Variants in XKR6 observed in about 807,000 individuals in gnomAD.
XKR6 encodes XK-related protein 6.
In XKR6, 22 loss-of-function variants were observed where a neutral mutation model predicts 56.7. That is an observed-to-expected ratio of 0.39 (90% CI 0.28 to 0.55). The LOEUF (loss-of-function observed/expected upper bound fraction) is 0.55. Among genes scored for constraint, XKR6 ranks in the 20% least tolerant of loss-of-function variants. The pLI is 0.66. For missense variants in XKR6, 852 were observed against 889.0 expected (o/e 0.96, Z 0.53); for synonymous variants, 524 against 387.8 (o/e 1.35, Z -4.13).
intron 1 of XKR6, among the ~76,000 whole-genome samples, chr8:11,171,643 G>A (rs545691601): frequency 1.3e-5 from 2 of 152,272 alleles, no homozygotes; most frequent in South Asian, 4.1e-4. Context: ...AGCCCTCTTA[G>A]CCTTCTGCCA....
chr8:10,983,250 GA>G (rs1189283812), intron 1 of XKR6, among the ~76,000 whole-genome samples: 4 of 151,616 alleles, frequency 2.6e-5, no homozygotes. Context: ...CTTTTTTTGG[GA>G]AAAAATAAAA....
intron 1 of XKR6, among the ~76,000 whole-genome samples, chr8:11,181,286 A>T (rs1802965827): frequency 6.6e-6 from 1 of 152,170 alleles, no homozygotes; most frequent in Non-Finnish European, 1.5e-5. Context: ...TCATAATGAA[A>T]TTTTTTCTTA....
intron 1 of XKR6, among the ~76,000 whole-genome samples, chr8:11,121,168 A>G (rs143897486): frequency 0.034 from 5,249 of 152,320 alleles, 177 homozygotes; most frequent in African/African-American, 0.085. Flanking sequence ...AATGGCAACA[A>G]AAGCCAAAAT....
chr8:11,106,961 CAGGA>C (rs1027338555), intron 1 of XKR6, among the ~76,000 whole-genome samples: 2 of 151,728 alleles, frequency 1.3e-5, no homozygotes, highest in Admixed American at 1.3e-4. Context: ...CAAGAAGCTA[CAGGA>C]AGGGAGACAG....
chr8:10,950,803 C>T (rs528320177), intron 1 of XKR6, among the ~76,000 whole-genome samples: 5 of 150,372 alleles, frequency 3.3e-5, no homozygotes, highest in South Asian at 2.1e-4. Context: ...GAGTAAGTGT[C>T]GAACACTTTC....
chr8:11,162,344 G>A (rs1261203086), intron 1 of XKR6, among the ~76,000 whole-genome samples: 1 of 152,084 alleles, frequency 6.6e-6, no homozygotes, highest in Non-Finnish European at 1.5e-5. Context: ...CTACACTCCA[G>A]CCTCCCAAAC....
At chr8:11,032,119 C>G (rs770032826) in intron 1 of XKR6, among the ~76,000 whole-genome samples, 1 of 152,200 alleles carries the variant, frequency 6.6e-6, no homozygotes, top group African/African-American at 2.4e-5. Context: ...GGTGATACTG[C>G]CCCTCTGGGA....
At chr8:11,015,557 G>A (rs1007061771) in intron 1 of XKR6, among the ~76,000 whole-genome samples, 8 of 152,118 alleles carry the variant, frequency 5.3e-5, no homozygotes, top group Non-Finnish European at 1.2e-4. Flanking sequence ...AGAGAAAGCC[G>A]GCCAGGTCTG....
At chr8:10,918,059 C>T (rs576658294) in intron 2 of XKR6, among the ~76,000 whole-genome samples, 2 of 152,220 alleles carry the variant, frequency 1.3e-5, no homozygotes, top group African/African-American at 4.8e-5. Flanking sequence ...TCCTCCAGAG[C>T]CACCCATCCT....
chr8:10,964,753 C>T (rs757268653), intron 1 of XKR6, among the ~76,000 whole-genome samples: 1 of 152,186 alleles, frequency 6.6e-6, no homozygotes, highest in Non-Finnish European at 1.5e-5. Context: ...CTTGATTTCC[C>T]CAGCAGCTGC....
intron 1 of XKR6, among the ~76,000 whole-genome samples, chr8:10,988,726 A>G (rs754515421): frequency 6.6e-6 from 1 of 152,224 alleles, no homozygotes; most frequent in Non-Finnish European, 1.5e-5. Flanking sequence ...AACTTGGGGC[A>G]CCAAAGGAAG....
At chr8:10,947,869 C>A (rs1233310564) in intron 1 of XKR6, among the ~76,000 whole-genome samples, 1 of 152,094 alleles carries the variant, frequency 6.6e-6, no homozygotes, top group Non-Finnish European at 1.5e-5. Context: ...GGTGTAGGGA[C>A]CCAAGAGCCA....
At chr8:10,938,435 T>A (rs1210485010) in intron 1 of XKR6, among the ~76,000 whole-genome samples, 1 of 152,210 alleles carries the variant, frequency 6.6e-6, no homozygotes, top group African/African-American at 2.4e-5. Flanking sequence ...CCCCAGCAGT[T>A]CTTTTCATAC....
intron 1 of XKR6, among the ~76,000 whole-genome samples, chr8:11,007,204 T>C (rs1347271898): frequency 2.0e-5 from 3 of 152,192 alleles, no homozygotes; most frequent in Non-Finnish European, 4.4e-5. Flanking sequence ...GTCATAGAGA[T>C]AGGAATTCAA....
At chr8:11,005,118 C>A (rs1165416687) in intron 1 of XKR6, among the ~76,000 whole-genome samples, 1 of 152,012 alleles carries the variant, frequency 6.6e-6, no homozygotes, top group Non-Finnish European at 1.5e-5. Flanking sequence ...AAGTTTTTTT[C>A]TCATACAGTC....
intron 1 of XKR6, among the ~76,000 whole-genome samples, chr8:10,975,443 C>T (rs1802527111): frequency 6.6e-6 from 1 of 152,272 alleles, no homozygotes; most frequent in Non-Finnish European, 1.5e-5. Flanking sequence ...CAAGAGCCGC[C>T]TTTGGTCCTC....
chr8:11,074,134 C>T (rs1800205119), intron 1 of XKR6, among the ~76,000 whole-genome samples: 1 of 152,246 alleles, frequency 6.6e-6, no homozygotes. Context: ...TGAGCCTATT[C>T]TTAGAGCAAC....
intron 1 of XKR6, chr8:11,175,034 G>A (rs1802584770): frequency 6.6e-6 from 1 of 152,308 alleles, no homozygotes; most frequent in Non-Finnish European, 1.5e-5. Context: ...AGCGGCCTGA[G>A]GTGATCTGTG....
rs927799746 is a variant in XKR6 at position 10,995,446 on chromosome 8, AAT to A, written c.765-70618_765-70617del. 4.5e-4 allele frequency among the ~76,000 whole-genome samples: 67 copies of A among 147,464 alleles called. 1 individual carries two copies. Among genetic ancestry groups the A allele is most frequent in the African/African-American group, 1.5e-3 (62 of 40,488 alleles). ...CTATATCTACTATAACCCTATATCT[AAT>A]ATATATATTATATATAATACATATA... On this transcript the variant is annotated intron_variant, in intron 1 of 2. Coordinates refer to ENST00000416569, the MANE Select transcript of XKR6 (RefSeq NM_173683.4).
Sources: gnomAD v4.1 joint callset for allele counts (sites outside exome capture counted in the v4.1 genomes callset) on GRCh38, gnomAD v4.1.1 for gene constraint, MANE v1.5 for transcripts, NCBI Gene and HGNC (gene_info 2026-07-23, HGNC 2026-07-21) for gene names.